The following SPRED1 variants were observed in gnomAD, a reference collection of about 807,000 sequenced individuals.
The protein encoded by SPRED1 is sprouty-related, EVH1 domain-containing protein 1.
In SPRED1, 18 loss-of-function variants were observed where a neutral mutation model predicts 52.3. The observed-to-expected ratio is 0.34, with a 90% CI of 0.24 to 0.51. The LOEUF (loss-of-function observed/expected upper bound fraction) is 0.51, where lower values mean the gene tolerates loss of function less well. SPRED1 is among the 20% of genes least tolerant of loss of function. The pLI, the probability that SPRED1 is intolerant of heterozygous loss-of-function variation, is 0.97. For missense variants in SPRED1, 485 were observed against 551.0 expected (o/e 0.88, Z 1.20); for synonymous variants, 155 against 179.7 (o/e 0.86, Z 1.10).
chr15:38,330,961 C>CT (rs1174773530), intron 4 of SPRED1, among the ~76,000 whole-genome samples: 3 of 151,934 alleles, frequency 2.0e-5, no homozygotes, highest in African/African-American at 4.8e-5. Context: ...GAAGCAAAAT[C>CT]TTTTTTTGTT....
At chr15:38,336,794 T>G (rs1895932816) in intron 4 of SPRED1, among the ~76,000 whole-genome samples, 1 of 151,056 alleles carries the variant, frequency 6.6e-6, no homozygotes, top group African/African-American at 2.4e-5. Context: ...CGGAAAAGGG[T>G]GGGGGTGGTG....
intron 3 of SPRED1, among the ~76,000 whole-genome samples, chr15:38,323,145 G>T (rs1895638350): frequency 6.6e-6 from 1 of 151,972 alleles, no homozygotes; most frequent in African/African-American, 2.4e-5. Flanking sequence ...ACTACGTTGT[G>T]ATTTGTGTTA....
intron 1 of SPRED1, among the ~76,000 whole-genome samples, chr15:38,256,499 G>A (rs912026686): frequency 6.6e-6 from 1 of 152,098 alleles, no homozygotes; most frequent in African/African-American, 2.4e-5. Flanking sequence ...AAGTGAAGTA[G>A]CTGAAATAAT....
intron 1 of SPRED1, among the ~76,000 whole-genome samples, chr15:38,278,884 G>A (rs973354301): frequency 1.4e-5 from 2 of 143,838 alleles, no homozygotes; most frequent in Non-Finnish European, 3.0e-5. Flanking sequence ...CTGGAGTGCA[G>A]TGGCGGAATC....
At chr15:38,334,432 TTA>T (rs2141003498) in intron 4 of SPRED1, among the ~76,000 whole-genome samples, 1 of 152,152 alleles carries the variant, frequency 6.6e-6, no homozygotes, top group African/African-American at 2.4e-5. Context: ...CTTTGTATGA[TTA>T]TGTGTATAGT....
At chr15:38,277,745 A>G (rs1016012265) in intron 1 of SPRED1, among the ~76,000 whole-genome samples, 3 of 152,166 alleles carry the variant, frequency 2.0e-5, no homozygotes, top group Non-Finnish European at 2.9e-5. Context: ...GTGTATAAGC[A>G]TTCCCTTTTC....
intron 1 of SPRED1, among the ~76,000 whole-genome samples, chr15:38,285,060 T>A (rs1213448800): frequency 6.6e-6 from 1 of 152,078 alleles, no homozygotes; most frequent in Non-Finnish European, 1.5e-5. Context: ...TTTTTAAATA[T>A]ATTTTTTTGC....
intron 4 of SPRED1, 61 bp downstream of exon 4, chr15:38,324,870 T>TA (rs1398175694): frequency 7.5e-7 from 1 of 1,328,162 alleles, no homozygotes; most frequent in Admixed American, 1.8e-5. Flanking sequence ...TCACTAGCCT[T>TA]ATTCAATAAA....
intron 5 of SPRED1, among the ~76,000 whole-genome samples, chr15:38,341,323 A>G (rs186115264): frequency 6.1e-4 from 92 of 150,908 alleles, no homozygotes; most frequent in Middle Eastern, 6.8e-3. Context: ...TCTAACTTCT[A>G]TTTGCCTACA....
chr15:38,289,114 C>G (rs935534329), intron 1 of SPRED1, among the ~76,000 whole-genome samples: 80 of 151,924 alleles, frequency 5.3e-4, no homozygotes, highest in African/African-American at 1.9e-3. Context: ...TTCGCTAAAA[C>G]AAGTTTTGCC....
intron 1 of SPRED1, chr15:38,298,630 C>A: frequency 4.2e-6 from 1 of 238,634 alleles, no homozygotes; most frequent in Non-Finnish European, 8.3e-6. Flanking sequence ...GGCAAAATCT[C>A]TGTGTTCGGC....
At chr15:38,275,687 G>T (rs1388267482) in intron 1 of SPRED1, among the ~76,000 whole-genome samples, 1 of 152,058 alleles carries the variant, frequency 6.6e-6, no homozygotes, top group African/African-American at 2.4e-5. Flanking sequence ...CAGTAGCGAC[G>T]GGGTTTCACC....
intron 1 of SPRED1, among the ~76,000 whole-genome samples, chr15:38,259,921 G>T (rs1449903912): frequency 6.6e-6 from 1 of 152,162 alleles, no homozygotes. Context: ...ATTAATAATG[G>T]ATTTCACGCT....
chr15:38,312,151 GAT>G (rs1015363450), intron 2 of SPRED1, among the ~76,000 whole-genome samples: 9 of 151,734 alleles, frequency 5.9e-5, no homozygotes, highest in African/African-American at 1.9e-4. Flanking sequence ...CATGTTTTTG[GAT>G]ATTTTTGTGT....
chr15:38,345,995 A>G (rs12443439), intron 5 of SPRED1, among the ~76,000 whole-genome samples: 13,822 of 152,208 alleles, frequency 0.091, 754 homozygotes, highest in East Asian at 0.21. Flanking sequence ...TTAAATAGGC[A>G]TTGCCAGTAT....
chr15:38,325,657 A>G (rs1219572608), intron 4 of SPRED1, among the ~76,000 whole-genome samples: 2 of 152,162 alleles, frequency 1.3e-5, no homozygotes, highest in Non-Finnish European at 2.9e-5. Context: ...CCTAACTGCC[A>G]TATTAAAAGG....
intron 4 of SPRED1, among the ~76,000 whole-genome samples, chr15:38,334,592 A>G (rs530325840): frequency 2.7e-4 from 41 of 152,170 alleles, no homozygotes; most frequent in Admixed American, 2.3e-3. Context: ...CAGTTAGACA[A>G]ATGGGATCAT....
chr15:38,275,115 T>G (rs2140959667), intron 1 of SPRED1, among the ~76,000 whole-genome samples: 1 of 152,320 alleles, frequency 6.6e-6, no homozygotes, highest in East Asian at 1.9e-4. Flanking sequence ...GCCAAATGAT[T>G]TTTTTTCTAC....
intron 1 of SPRED1, among the ~76,000 whole-genome samples, chr15:38,280,954 A>G (rs1206559064): frequency 2.0e-5 from 3 of 152,336 alleles, no homozygotes; most frequent in East Asian, 3.9e-4. Context: ...AACCATTGTG[A>G]TAAATTCATA....
Sources: allele counts gnomAD v4.1 joint callset (sites outside exome capture counted in the v4.1 genomes callset), GRCh38; gene constraint gnomAD v4.1.1; transcripts MANE v1.5; gene names NCBI Gene and HGNC (gene_info 2026-07-23, HGNC 2026-07-21).